Variants in CUX2 observed in about 807,000 individuals in gnomAD.
CUX2 encodes homeobox protein cut-like 2.
A neutral mutation model predicts 144.8 loss-of-function variants in CUX2; 40 were observed. The ratio of observed to expected loss-of-function variants is 0.28; its 90% confidence interval spans 0.21 to 0.36. CUX2 has a LOEUF of 0.36. Ranked by LOEUF, CUX2 falls within the 10% of genes least tolerant of loss-of-function variation. The pLI, the probability that CUX2 is intolerant of heterozygous loss-of-function variation, is 1.00. For missense variants in CUX2, 1,615 were observed against 1,994.0 expected, an observed-to-expected ratio of 0.81 and a Z score of 3.62; for synonymous variants, 827 against 875.6, an observed-to-expected ratio of 0.94 and a Z score of 0.98.
At position 111,255,951 on chromosome 12, in the gene CUX2, C is replaced by G. The variant is rs1226892616; in HGVS notation, c.223-7810C>G. Among the ~76,000 whole-genome samples, 10 of 152,156 alleles carry G rather than the reference C, an allele frequency of 6.6e-5. No homozygotes were observed. Reference sequence around the variant, plus strand: ...CAGACCTCCCCACATGTGGGTCTCCCTGAGTACCTTTACAGCCTCACAGAT... The same window carrying G: ...CAGACCTCCCCACATGTGGGTCTCCGTGAGTACCTTTACAGCCTCACAGAT... On this transcript the variant is annotated intron_variant, in intron 3 of 21. Transcript: ENST00000261726. The surrounding 1 kb of genome is among the most constrained non-coding windows in gnomAD (Gnocchi z 4.1).
At chr12:111,268,714 G>GGCCC (rs1214388231) in intron 4 of CUX2, among the ~76,000 whole-genome samples, 2 of 152,250 alleles carry the variant, frequency 1.3e-5, no homozygotes, top group Non-Finnish European at 2.9e-5. Flanking sequence ...ATGGCCAAGA[G>GGCCC]GCCCAGTGGC....
At chr12:111,347,465 G>T (rs969595458) in intron 21 of CUX2, 59 bp from the exon 22 acceptor site, 2 of 1,482,204 alleles carry the variant, frequency 1.3e-6, no homozygotes, top group Non-Finnish European at 1.8e-6. Context: ...TATGCAGATG[G>T]AGTCCAGGGT....
chr12:111,316,284 A>G (rs1447929944), intron 16 of CUX2, among the ~76,000 whole-genome samples: 1 of 148,532 alleles, frequency 6.7e-6, no homozygotes, highest in African/African-American at 2.5e-5. Flanking sequence ...GATTACAGGC[A>G]TGTGCCACCA....
At chr12:111,224,583 T>C (rs959509793) in intron 3 of CUX2, among the ~76,000 whole-genome samples, 8 of 148,434 alleles carry the variant, frequency 5.4e-5, no homozygotes, top group African/African-American at 2.0e-4. Context: ...GATGGCATAA[T>C]TCTCTCACTC....
At chr12:111,056,338 C>T (rs1870523122) in intron 1 of CUX2, among the ~76,000 whole-genome samples, 1 of 152,226 alleles carries the variant, frequency 6.6e-6, no homozygotes, top group Non-Finnish European at 1.5e-5. Context: ...GGACGGAGCC[C>T]AGTTGGTTCA....
At chr12:111,204,860 T>C (rs1421669962) in intron 1 of CUX2, among the ~76,000 whole-genome samples, 1 of 152,194 alleles carries the variant, frequency 6.6e-6, no homozygotes, top group Non-Finnish European at 1.5e-5. Flanking sequence ...AAGAAGTTGT[T>C]GGCAGTCTTT....
At chr12:111,036,632 A>T (rs1334230791) in intron 1 of CUX2, among the ~76,000 whole-genome samples, 1 of 140,688 alleles carries the variant, frequency 7.1e-6, no homozygotes, top group Non-Finnish European at 1.5e-5. Flanking sequence ...GTATATGTGA[A>T]GGGGGGGGTT....
intron 1 of CUX2, among the ~76,000 whole-genome samples, chr12:111,193,202 G>A (rs1021819590): frequency 6.6e-6 from 1 of 152,286 alleles, no homozygotes; most frequent in South Asian, 2.1e-4. Context: ...AGGAGAGAGG[G>A]AGACGTGGAA....
chr12:111,323,811 C>T (rs936899748), intron 18 of CUX2, among the ~76,000 whole-genome samples: 1 of 152,082 alleles, frequency 6.6e-6, no homozygotes. Context: ...AATCCCAATA[C>T]TTTGGGAGGT....
At chr12:111,204,292 G>A (rs752473694) in intron 1 of CUX2, among the ~76,000 whole-genome samples, 1 of 152,218 alleles carries the variant, frequency 6.6e-6, no homozygotes, top group African/African-American at 2.4e-5. Flanking sequence ...CCTGAGCTAC[G>A]GAGCTGCCAG....
intron 1 of CUX2, among the ~76,000 whole-genome samples, chr12:111,137,651 C>T (rs1875994144): frequency 6.6e-6 from 1 of 152,100 alleles, no homozygotes; most frequent in African/African-American, 2.4e-5. Flanking sequence ...GTAGTTGGAA[C>T]TCCAGGTGCA....
At chr12:111,318,831 AT>A (rs1159957043) in intron 16 of CUX2, among the ~76,000 whole-genome samples, 2 of 151,904 alleles carry the variant, frequency 1.3e-5, no homozygotes, top group Admixed American at 1.3e-4. Flanking sequence ...CGCCTGGCTA[AT>A]TTTTGTATTT....
chr12:111,332,541 C>A (rs906296442), intron 18 of CUX2, among the ~76,000 whole-genome samples: 10 of 152,134 alleles, frequency 6.6e-5, no homozygotes, highest in African/African-American at 2.4e-4. Context: ...TTTATTCAGC[C>A]AATCTCCTGT....
At chr12:111,116,676 AAGAGACC>A (rs1177640490) in intron 1 of CUX2, among the ~76,000 whole-genome samples, 1 of 152,194 alleles carries the variant, frequency 6.6e-6, no homozygotes, top group Non-Finnish European at 1.5e-5. Context: ...CGACTTTTGG[AAGAGACC>A]AGAGATAGTT....
At chr12:111,286,796 G>C (rs1885409070) in intron 4 of CUX2, among the ~76,000 whole-genome samples, 1 of 152,258 alleles carries the variant, frequency 6.6e-6, no homozygotes, top group East Asian at 1.9e-4. Context: ...TTGAACCCAG[G>C]AGGCAGAGGT....
intron 1 of CUX2, among the ~76,000 whole-genome samples, chr12:111,060,781 G>A (rs1870732804): frequency 6.6e-6 from 1 of 152,180 alleles, no homozygotes; most frequent in Non-Finnish European, 1.5e-5. Flanking sequence ...GGGAAGTGAG[G>A]ACTAGACAAA....
chr12:111,192,235 T>C (rs892113277), intron 1 of CUX2, among the ~76,000 whole-genome samples: 1 of 152,184 alleles, frequency 6.6e-6, no homozygotes, highest in Non-Finnish European at 1.5e-5. Flanking sequence ...CAAGTGATTC[T>C]TCTGCCTCAG....
At chr12:111,139,513 C>T (rs1378017691) in intron 1 of CUX2, among the ~76,000 whole-genome samples, 2 of 152,048 alleles carry the variant, frequency 1.3e-5, no homozygotes, top group Admixed American at 6.5e-5. Flanking sequence ...TCCAGCACTG[C>T]GTTGGGACAG....
At chr12:111,067,138 C>T (rs1871053555) in intron 1 of CUX2, among the ~76,000 whole-genome samples, 1 of 152,174 alleles carries the variant, frequency 6.6e-6, no homozygotes, top group South Asian at 2.1e-4. Context: ...CCTGTAGTGA[C>T]CTTTCTTCAT....
Sources: gnomAD v4.1 joint callset for allele counts (sites outside exome capture counted in the v4.1 genomes callset) on GRCh38, gnomAD v4.1.1 for gene constraint, Gnocchi (gnomAD v3.1) non-coding constraint, MANE v1.5 for transcripts, NCBI Gene and HGNC (gene_info 2026-07-23, HGNC 2026-07-21) for gene names.